SLC25A44: variants seen among roughly 807,000 people sequenced by gnomAD.
SLC25A44 encodes the protein solute carrier family 25 member 44, also known as solute carrier family 25, member 44.
Under a neutral mutation model 29.9 loss-of-function variants are expected in SLC25A44, and 17 were observed. The observed-to-expected ratio is 0.57, with a 90% confidence interval of 0.39 to 0.85. The LOEUF (loss-of-function observed/expected upper bound fraction) is 0.85. Among genes scored for constraint, SLC25A44 ranks in the 40% least tolerant of loss-of-function variants. SLC25A44 has a pLI of 0.00. For missense variants in SLC25A44, 302 were observed against 398.4 expected (o/e 0.76, Z 2.06); for synonymous variants, 140 against 151.8 (o/e 0.92, Z 0.57).
intron 1 of SLC25A44, chr1:156,197,110 T>C (rs1010212147): frequency 2.0e-5 from 3 of 152,218 alleles, no homozygotes; most frequent in African/African-American, 7.2e-5. Flanking sequence ...TCCTGGTGTT[T>C]CTCTGTATCT....
rs993324524 is a variant in SLC25A44, at chr1:156,211,322, C to T, written c.*891C>T. 1.3e-5 allele frequency: 2 copies of T among 152,816 alleles called. No individual in the cohort carries two copies. The highest frequency in any genetic ancestry group is 2.9e-5 in the Non-Finnish European group (2 of 68,160). 9.5% of individuals were successfully genotyped at this position (152,816 alleles called of 1,614,324 possible). On this transcript the variant is annotated 3_prime_UTR_variant, in exon 4 of 4. Transcript: ENST00000359511. ...CACAGTTCTAAGTGGATCAGGCTGT[C>T]TTGGGTGCACTGGACTTGGAGCACT...
At chr1:156,205,331 C>A (rs1656869706) in intron 2 of SLC25A44, among the ~76,000 whole-genome samples, 1 of 152,172 alleles carries the variant, frequency 6.6e-6, no homozygotes, top group Admixed American at 6.5e-5. Flanking sequence ...CGTGAGCCAC[C>A]ACGCCTGGCC....
chr1:156,206,419 G>A (rs1381464867), intron 2 of SLC25A44, among the ~76,000 whole-genome samples: 1 of 152,036 alleles, frequency 6.6e-6, no homozygotes, highest in Non-Finnish European at 1.5e-5. Flanking sequence ...TGTATTTTTG[G>A]TAGAGACGGG....
At chr1:156,195,403 G>T (rs1656150122) in intron 1 of SLC25A44, among the ~76,000 whole-genome samples, 1 of 152,100 alleles carries the variant, frequency 6.6e-6, no homozygotes, top group African/African-American at 2.4e-5. Flanking sequence ...CTCAGTTCTC[G>T]GAAGGTCAGC....
intron 2 of SLC25A44, among the ~76,000 whole-genome samples, chr1:156,205,932 G>C (rs551643248): frequency 6.6e-6 from 1 of 152,116 alleles, no homozygotes; most frequent in African/African-American, 2.4e-5. Context: ...CCTCCAGAGA[G>C]AGTAAAAAGA....
At chr1:156,204,301 CCTGT>C in intron 2 of SLC25A44, among the ~76,000 whole-genome samples, 1 of 152,086 alleles carries the variant, frequency 6.6e-6, no homozygotes, top group South Asian at 2.1e-4. Context: ...GCCACCGTGC[CCTGT>C]CTGACATGGA....
chr1:156,208,054 C>G (rs752700492), intron 3 of SLC25A44, 41 bp downstream of exon 3: 20 of 1,593,396 alleles, frequency 1.3e-5, no homozygotes, highest in Non-Finnish European at 1.7e-5. Context: ...CTGGAGAAGC[C>G]ATTAGAAGCA....
intron 3 of SLC25A44, 87 bp from the exon 4 acceptor site, chr1:156,210,153 C>T: frequency 1.0e-6 from 1 of 953,202 alleles, no homozygotes; most frequent in Non-Finnish European, 1.6e-6. Context: ...GAGTCTGGTT[C>T]TCCCCACTTT....
At position 156,212,491 on chromosome 1, in the gene SLC25A44, A is replaced by T. The variant is rs1219831757; in HGVS notation, c.*2060A>T. 1 of 154,598 alleles carries T rather than the reference A, an allele frequency of 6.5e-6. No homozygotes were observed. The highest frequency in any genetic ancestry group is 1.9e-4 in the East Asian group (1 of 5,386). The allele number at this position is 154,598 out of a possible 1,614,324, so 9.6% of individuals were successfully genotyped here. ...GGGTGATGTGTGTATAATTAAAAGG[A>T]CCCTTGGCCCATACTTTCCTAATTC... On this transcript the variant is annotated 3_prime_UTR_variant, in exon 4 of 4. Coordinates refer to ENST00000359511, the MANE Select transcript of SLC25A44 (RefSeq NM_014655.4).
At position 156,198,338 on chromosome 1, in the gene SLC25A44, T is replaced by G. The variant is rs1439650496; in HGVS notation, c.-13-1497T>G. Reference sequence around the variant, plus strand: ...ATTTCCTAAATGTGAAGCTCCTGATTTTATACAATTTTGAAATTAGTAAGC... The same window carrying G: ...ATTTCCTAAATGTGAAGCTCCTGATGTTATACAATTTTGAAATTAGTAAGC... On this transcript the variant is annotated intron_variant, in intron 1 of 3. Transcript: ENST00000359511. The surrounding 1 kb of genome is among the most constrained non-coding windows in gnomAD (Gnocchi z 4.1). 1 of 151,276 alleles carries G rather than the reference T, an allele frequency of 6.6e-6. No homozygotes were observed. The highest frequency in any genetic ancestry group is 1.9e-4 in the East Asian group (1 of 5,206). The allele number at this position is 151,276 out of a possible 1,614,324, so 9.4% of individuals were successfully genotyped here.
intron 2 of SLC25A44, among the ~76,000 whole-genome samples, chr1:156,202,335 G>A (rs750620964): frequency 9.9e-5 from 15 of 152,076 alleles, no homozygotes; most frequent in African/African-American, 3.1e-4. Context: ...TTTTCAACTT[G>A]CGTTGTCATG....
chr1:156,204,139 C>G (rs1357802098), intron 2 of SLC25A44, among the ~76,000 whole-genome samples: 1 of 151,452 alleles, frequency 6.6e-6, no homozygotes, highest in East Asian at 2.0e-4. Flanking sequence ...TCCCGAGTAG[C>G]TGGGATTACA....
At position 156,210,497 on chromosome 1, in the gene SLC25A44, A is replaced by T. The variant is rs980743881; in HGVS notation, c.*66A>T. Reference sequence around the variant, plus strand: ...GTGGGTCAGGGGCAGAGTGGAGAGGACAGCACCCTCTCCAGGTGCTCCCAC... The same window carrying T: ...GTGGGTCAGGGGCAGAGTGGAGAGGTCAGCACCCTCTCCAGGTGCTCCCAC... On this transcript the variant is annotated 3_prime_UTR_variant, in exon 4 of 4. Transcript: ENST00000359511. 2 of 1,221,528 alleles carry T rather than the reference A, an allele frequency of 1.6e-6. No homozygotes were observed. The highest frequency in any genetic ancestry group is 2.7e-5 in the Admixed American group (1 of 36,944). The allele number at this position is 1,221,528 out of a possible 1,614,324, so 75.7% of individuals were successfully genotyped here. A position where few individuals can be genotyped will look rare whatever the true frequency, so the allele number is the denominator to read the frequency against.
chr1:156,200,504 G>C, intron 2 of SLC25A44, 32 bp downstream of exon 2: 4 of 1,552,330 alleles, frequency 2.6e-6, no homozygotes, highest in South Asian at 1.2e-5. Context: ...GGGGGAGGAA[G>C]GTGGGATTTC....
intron 1 of SLC25A44, chr1:156,197,079 A>G (rs1656255602): frequency 6.6e-6 from 1 of 152,202 alleles, no homozygotes; most frequent in African/African-American, 2.4e-5. Context: ...AACTGTAAGG[A>G]TTACATGAGG....
chr1:156,208,692 A>G (rs1283681039), intron 3 of SLC25A44, among the ~76,000 whole-genome samples: 1 of 152,160 alleles, frequency 6.6e-6, no homozygotes, highest in African/African-American at 2.4e-5. Flanking sequence ...TATAAGAAAT[A>G]TCGATTTCAG....
Position 156,200,198 on chromosome 1 carries a change from C to T in SLC25A44, c.351C>T (p.Gly117=). 3 of 1,614,198 alleles carry T rather than the reference C, an allele frequency of 1.9e-6. No homozygotes were observed. Among genetic ancestry groups the T allele is most frequent in the Non-Finnish European group, 2.5e-6 (3 of 1,180,020 alleles). The change falls in exon 2 of 4, where the codon GGC becomes GGT. Residue 117 remains glycine (G), a synonymous_variant. Coordinates refer to ENST00000359511, the MANE Select transcript of SLC25A44 (RefSeq NM_014655.4). ...CAGTCAAATCACTGGTGGCTGGTGG[C>T]TCAGCCTCCCTTGTGGCCCAGAGCA... ...SNTVKSLVAG[G]SASLVAQSIT... is the part of the protein sequence containing the mutation.
intron 2 of SLC25A44, 81 bp from the exon 3 acceptor site, chr1:156,207,805 A>T: frequency 6.4e-7 from 1 of 1,551,728 alleles, no homozygotes; most frequent in South Asian, 1.2e-5. Context: ...TGGGAAAGCC[A>T]CCTGGTAGAA....
At chr1:156,194,562 G>C (rs1656090579) in intron 1 of SLC25A44, among the ~76,000 whole-genome samples, 6 of 152,144 alleles carry the variant, frequency 3.9e-5, no homozygotes, top group Admixed American at 3.9e-4. Context: ...GGATCACGTG[G>C]GTACCTATGG....
Sources: gnomAD v4.1 joint callset for allele counts (sites outside exome capture counted in the v4.1 genomes callset) on GRCh38, gnomAD v4.1.1 for gene constraint, Gnocchi (gnomAD v3.1) non-coding constraint, MANE v1.5 for transcripts, NCBI Gene and HGNC (gene_info 2026-07-23, HGNC 2026-07-21) for gene names.